The following SLC20A1 variants were observed in gnomAD, a reference collection of about 807,000 sequenced individuals.
SLC20A1 encodes the protein solute carrier family 20 member 1, also known as sodium-dependent phosphate transporter 1.
A neutral mutation model predicts 62.7 loss-of-function variants in SLC20A1; 28 were observed. The ratio of observed to expected loss-of-function variants is 0.45; its 90% CI spans 0.33 to 0.61. The LOEUF is 0.61. Among genes scored for constraint, SLC20A1 ranks in the 20% least tolerant of loss-of-function variants. The pLI is 0.02. For missense variants in SLC20A1, 673 were observed against 838.6 expected (o/e 0.80, Z 2.44); for synonymous variants, 305 against 302.9 (o/e 1.01, Z -0.07).
At chr2:112,647,868 T>C in intron 4 of SLC20A1, 130 bp downstream of exon 4, 2 of 731,374 alleles carry the variant, frequency 2.7e-6, no homozygotes, top group Admixed American at 4.7e-5. Context: ...AGCTCTTTGT[T>C]CTGTGCATTT....
In SLC20A1 at chr2:112,652,751, G is replaced by A. The variant is rs1686476444; in HGVS notation, c.611G>A (p.Cys204Tyr). Residue 204 changes from cysteine (C) to tyrosine (Y), a missense_variant, in exon 5 of 11, where the codon TGC becomes TAC. Cys to Tyr is a radical substitution (Grantham distance 194, BLOSUM62 -2). Coordinates refer to ENST00000272542, the MANE Select transcript of SLC20A1 (RefSeq NM_005415.5). ...GLRALPVFYA[C>Y]TVGINLFSIM... The stretch of plus-strand genomic sequence containing the variant: ...CGAGCTTTGCCAGTTTTCTATGCCT[G>A]CACAGTTGGAATAAACCTCTTTTCC... The A allele has an allele frequency of 1.2e-6, 2 of 1,614,012 alleles. No individual in the cohort carries two copies. The highest frequency in any genetic ancestry group is 1.3e-5 in the African/African-American group (1 of 74,926).
intron 4 of SLC20A1, 139 bp downstream of exon 4, chr2:112,647,877 T>G: frequency 1.4e-6 from 1 of 707,302 alleles, no homozygotes; most frequent in Non-Finnish European, 2.4e-6. Flanking sequence ...TTCTGTGCAT[T>G]TCTTGTATGT....
At chr2:112,657,367 A>T in intron 6 of SLC20A1, 126 bp downstream of exon 6, 1 of 1,004,792 alleles carries the variant, frequency 1.0e-6, no homozygotes, top group South Asian at 1.7e-5. Context: ...AAATTTGAGG[A>T]TATGGGTTTG....
rs776173052 is a variant in SLC20A1, at chr2:112,659,402, A to C, written c.1247A>C (p.Asn416Thr). The C allele has an allele frequency of 6.2e-7, 1 of 1,614,200 alleles. No homozygotes were observed. The highest frequency in any genetic ancestry group is 1.1e-5 in the South Asian group (1 of 91,082). Residue 416 changes from asparagine to threonine, a missense_variant, in exon 8 of 11, where the codon AAT (asparagine) becomes ACT (threonine). Transcript: ENST00000272542. ...GGTGACAAACCCTTAAGGCGCAATA[A>C]TAGCTATACTTCCTATACCATGGCA... is the stretch of plus-strand genomic sequence containing the variant. Reference protein sequence around the residue: ...DSGDKPLRRNNSYTSYTMAIC... With the variant: ...DSGDKPLRRNTSYTSYTMAIC...
intron 4 of SLC20A1, among the ~76,000 whole-genome samples, chr2:112,650,263 G>A (rs1237203236): frequency 2.0e-5 from 3 of 151,640 alleles, no homozygotes; most frequent in Non-Finnish European, 4.4e-5. Context: ...CTATTGAGAA[G>A]TCCCCACATA....
At chr2:112,653,107 G>C (rs1686484722) in intron 5 of SLC20A1, 1 of 466,056 alleles carries the variant, frequency 2.1e-6, no homozygotes, top group African/African-American at 2.0e-5. Flanking sequence ...AATTAATACT[G>C]ACCTCAACTA....
At position 112,657,220 on chromosome 2, in the gene SLC20A1, A is replaced by C. The variant is rs1202425182; in HGVS notation, c.757A>C (p.Arg253=). The C allele has an allele frequency of 6.2e-7, 1 of 1,613,628 alleles. No homozygotes were observed. The highest frequency in any genetic ancestry group is 2.2e-5 in the East Asian group (1 of 44,894). ...TATCGTCTGGTTCTTTGTATGTCCC[A>C]GGATGAAGAGAAAAATTGAACGTAA... ...ALIVWFFVCP[R]MKRKIEREIK... is the part of the protein sequence containing the mutation. The change falls in exon 6 of 11, where the codon AGG becomes CGG. Residue 253 remains arginine (R), a synonymous_variant. Transcript: ENST00000272542.
At chr2:112,654,493 C>G (rs1409480761) in intron 5 of SLC20A1, among the ~76,000 whole-genome samples, 1 of 152,146 alleles carries the variant, frequency 6.6e-6, no homozygotes, top group Admixed American at 6.5e-5. Context: ...GGAATGTAGA[C>G]CAACTTAAAT....
At position 112,653,015 on chromosome 2, in the gene SLC20A1, C is replaced by T. The variant is rs993003297; in HGVS notation, c.658+217C>T. ...TGCTCAGATTCTAAATCACTACAGA[C>T]CTTTCCTCTTTAGTCTTCACAGGAT... On this transcript the variant is annotated intron_variant, in intron 5 of 10. Transcript: ENST00000272542. The T allele has an allele frequency of 2.7e-5, 31 of 1,162,880 alleles. No homozygotes were observed. In the Admixed American group the frequency reaches 3.6e-4, roughly 13 times the overall value. The allele number at this position is 1,162,880 out of a possible 1,614,324, so 72.0% of individuals were successfully genotyped here.
rs367794194 is a variant in SLC20A1, at chr2:112,655,072, G to A, written c.659-2050G>A. Among the ~76,000 whole-genome samples the A allele has an allele frequency of 3.3e-5, 5 of 149,314 alleles. No individual in the cohort carries two copies. In the East Asian group the frequency reaches 8.2e-4, roughly 24 times the overall value. On this transcript the variant is annotated intron_variant, in intron 5 of 10. Transcript: ENST00000272542. ...CAACCACTACCTCCCGGGTTTGAGCGATTCTCCTGCTTCAGCCTCCCGAGT... is the reference window on the plus strand; with the variant it reads ...CAACCACTACCTCCCGGGTTTGAGCAATTCTCCTGCTTCAGCCTCCCGAGT...
chr2:112,652,963 C>CT, intron 5 of SLC20A1, 165 bp downstream of exon 5: 1 of 1,550,234 alleles, frequency 6.5e-7, no homozygotes, highest in African/African-American at 1.4e-5. Context: ...CTGAGTTAAC[C>CT]TAGATAGTTT....
intron 3 of SLC20A1, 42 bp downstream of exon 3, chr2:112,647,506 C>T (rs1379388044): frequency 5.6e-6 from 9 of 1,602,940 alleles, no homozygotes; most frequent in Non-Finnish European, 7.7e-6. Context: ...TCGTTTTCGT[C>T]ATATGTTACC....
intron 4 of SLC20A1, among the ~76,000 whole-genome samples, chr2:112,649,944 G>A (rs888035182): frequency 6.6e-6 from 1 of 152,160 alleles, no homozygotes; most frequent in African/African-American, 2.4e-5. Flanking sequence ...AGTTTTACTT[G>A]TGTGTTAGGT....
At chr2:112,651,224 G>T (rs1392354891) in intron 4 of SLC20A1, among the ~76,000 whole-genome samples, 1 of 152,056 alleles carries the variant, frequency 6.6e-6, no homozygotes, top group Non-Finnish European at 1.5e-5. Context: ...TGTTTCACTG[G>T]TCTTAAGCTA....
intron 6 of SLC20A1, 88 bp from the exon 7 acceptor site, chr2:112,658,737 G>C: frequency 7.2e-7 from 1 of 1,390,776 alleles, no homozygotes; most frequent in Non-Finnish European, 9.8e-7. Flanking sequence ...GTTTTGAGAT[G>C]AGTTTTTTGG....
intron 6 of SLC20A1, among the ~76,000 whole-genome samples, chr2:112,657,940 C>T (rs1193501188): frequency 6.6e-6 from 1 of 152,110 alleles, no homozygotes; most frequent in Non-Finnish European, 1.5e-5. Flanking sequence ...TCATTTTCTG[C>T]CCTTTTCATC....
rs138256041 is a variant in SLC20A1, at chr2:112,647,143, C to T, written c.315C>T (p.Gly105=). ...CGACTCAAGGGCTGCTGATGGCCGG[C>T]TCAGTCAGTGCTATGTTTGGTAAGT... The part of the protein sequence containing the change: ...YNSTQGLLMA[G]SVSAMFGSAV... Residue 105 remains glycine (G), a synonymous_variant, in exon 2 of 11, where the codon GGC becomes GGT. Transcript: ENST00000272542. 44 of 1,613,622 alleles carry T rather than the reference C, an allele frequency of 2.7e-5. No homozygotes were observed. The highest frequency in any genetic ancestry group is 1.6e-4 in the Middle Eastern group (1 of 6,084).
At position 112,659,606 on chromosome 2, in the gene SLC20A1, T is replaced by G. The variant is rs1314367967; in HGVS notation, c.1451T>G (p.Val484Gly). 6.2e-7 allele frequency: 1 copy of G among 1,614,174 alleles called. No individual in the cohort carries two copies. Among genetic ancestry groups the G allele is most frequent in the South Asian group, 1.1e-5 (1 of 91,082 alleles). The change falls in exon 8 of 11, where the codon GTC becomes GGC. Residue 484 changes from valine to glycine, a missense_variant. Coordinates refer to ENST00000272542, the MANE Select transcript of SLC20A1 (RefSeq NM_005415.5). ...TCAGCATCTGAGATAGACATGAGTG[T>G]CAAGGCAGAGATGGGTCTAGGTGAC... ...LHSASEIDMSVKAEMGLGDRK... is the reference protein window; with the variant it reads ...LHSASEIDMSGKAEMGLGDRK...
intron 4 of SLC20A1, among the ~76,000 whole-genome samples, chr2:112,649,742 G>C (rs1686385709): frequency 6.6e-6 from 1 of 152,154 alleles, no homozygotes; most frequent in Non-Finnish European, 1.5e-5. Flanking sequence ...TTAAATTCTA[G>C]TCAAAGAAAA....
Sources: allele counts gnomAD v4.1 joint callset (sites outside exome capture counted in the v4.1 genomes callset), GRCh38; gene constraint gnomAD v4.1.1; transcripts MANE v1.5; gene names NCBI Gene and HGNC (gene_info 2026-07-23, HGNC 2026-07-21).